The following DNAH3 variants were observed in gnomAD, a reference collection of about 807,000 sequenced individuals.
DNAH3 encodes dynein axonemal heavy chain 3.
In DNAH3, 332 loss-of-function variants were observed where a neutral mutation model predicts 432.5. That is an observed-to-expected ratio of 0.77 (90% CI 0.70 to 0.84). The LOEUF (loss-of-function observed/expected upper bound fraction) is 0.84. Among genes scored for constraint, DNAH3 ranks in the 40% least tolerant of loss-of-function variants. The pLI, the probability that DNAH3 is intolerant of heterozygous loss-of-function variation, is 0.00. For missense variants in DNAH3, 4,861 were observed against 5,114.0 expected (o/e 0.95, Z 1.51); for synonymous variants, 1,956 against 1,900.2 (o/e 1.03, Z -0.76).
chr16:20,948,230 G>A (rs897170350), intron 57 of DNAH3, among the ~76,000 whole-genome samples: 2 of 151,864 alleles, frequency 1.3e-5, no homozygotes, highest in Admixed American at 6.6e-5. Flanking sequence ...CTTAATCATC[G>A]TTCTCTCTCC....
intron 53 of DNAH3, among the ~76,000 whole-genome samples, chr16:20,963,004 T>A (rs2084892771): frequency 6.6e-6 from 1 of 151,512 alleles, no homozygotes; most frequent in Non-Finnish European, 1.5e-5. Context: ...ATTATCAAGA[T>A]ACAAAAGTGG....
intron 43 of DNAH3, among the ~76,000 whole-genome samples, chr16:20,999,457 CT>C (rs2086913313): frequency 6.6e-6 from 1 of 152,158 alleles, no homozygotes; most frequent in Non-Finnish European, 1.5e-5. Flanking sequence ...AATATTTCCT[CT>C]GAATACATGA....
intron 44 of DNAH3, among the ~76,000 whole-genome samples, chr16:20,989,956 C>T (rs2086467762): frequency 2.0e-5 from 3 of 152,238 alleles, no homozygotes. Context: ...GCCAAGCCCA[C>T]GCCCACCCGG....
Position 21,132,633 on chromosome 16 carries a change from C to G in DNAH3, c.1082+1626G>C, listed in dbSNP as rs4783525. ...GACAATATTGTTCATTGAAAGACAC[C>G]AGACACAAAAGATCATATATTGCAT... On this transcript the variant is annotated intron_variant, in intron 7 of 61. Coordinates refer to ENST00000261383, the Ensembl canonical transcript of DNAH3. 2.0e-5 allele frequency among the ~76,000 whole-genome samples: 3 copies of G among 152,130 alleles called. No homozygotes were observed. In the East Asian group the frequency reaches 5.8e-4, roughly 29 times the overall value.
intron 44 of DNAH3, 104 bp from the exon 45 acceptor site, chr16:20,988,169 G>A (rs1160090441): frequency 7.4e-6 from 11 of 1,483,286 alleles, no homozygotes; most frequent in Non-Finnish European, 1.0e-5. Flanking sequence ...CTGCCTTCAT[G>A]TTCCAGAGCT....
chr16:21,054,391 G>A (rs778783232), intron 28 of DNAH3, 29 bp downstream of exon 28: 1 of 1,527,224 alleles, frequency 6.5e-7, no homozygotes, highest in Non-Finnish European at 9.1e-7. Context: ...TGGATAGTCA[G>A]TAATGACAGG....
At chr16:20,962,478 G>C (rs963647317) in intron 53 of DNAH3, among the ~76,000 whole-genome samples, 7 of 152,214 alleles carry the variant, frequency 4.6e-5, no homozygotes, top group Non-Finnish European at 8.8e-5. Context: ...GTGGGAAACT[G>C]TATAAGGGAG....
Position 20,957,848 on chromosome 16 carries a change from A to AAG in DNAH3, c.10826+1329_10826+1330dup, listed in dbSNP as rs1355102094. Among the ~76,000 whole-genome samples, 25 of 133,314 alleles carry AAG rather than the reference A, an allele frequency of 1.9e-4. 1 individual carries two copies. Among genetic ancestry groups the AAG allele is most frequent in the East Asian group, 8.6e-4 (4 of 4,640 alleles). The allele number at this position is 133,314 out of a possible 152,430, so 87.5% of individuals were successfully genotyped here. On this transcript the variant is annotated intron_variant, in intron 54 of 61. Coordinates refer to ENST00000261383, the Ensembl canonical transcript of DNAH3. The stretch of plus-strand genomic sequence containing the variant: ...AAAAAAAAAAAAAAAAAAAAAAAAA[A>AAG]AGAGAATCCCTGAACATTTGAGTTA...
chr16:20,939,708 G>T (rs977956909), intron 59 of DNAH3, among the ~76,000 whole-genome samples: 21 of 151,990 alleles, frequency 1.4e-4, no homozygotes, highest in African/African-American at 4.3e-4. Context: ...AATCAGGGCT[G>T]TCCTTAAAAT....
intron 43 of DNAH3, 62 bp from the exon 44 acceptor site, chr16:20,997,524 G>A: frequency 6.4e-7 from 1 of 1,554,356 alleles, no homozygotes; most frequent in Non-Finnish European, 8.8e-7. Flanking sequence ...CTCTTACAGA[G>A]GTAACAGATG....
intron 39 of DNAH3, among the ~76,000 whole-genome samples, chr16:21,022,896 T>C (rs1378949134): frequency 6.6e-6 from 1 of 152,024 alleles, no homozygotes; most frequent in Non-Finnish European, 1.5e-5. Context: ...TACAGGCACA[T>C]GCCATCATGC....
rs150009363 is a variant in DNAH3 at position 21,081,646 on chromosome 16, A to G, written c.2959T>C (p.Phe987Leu). 2.5e-4 allele frequency: 409 copies of G among 1,613,596 alleles called. No homozygotes were observed. The highest frequency in any genetic ancestry group is 3.2e-4 in the Non-Finnish European group (378 of 1,179,716). Reference sequence around the variant, plus strand: ...GGGATAAGCCCTTACTTTTCAACGAATTTGCCGAATCCAAATTCGAGCATA... The same window carrying G: ...GGGATAAGCCCTTACTTTTCAACGAGTTTGCCGAATCCAAATTCGAGCATA... The change falls in exon 20 of 62, where the codon TTC becomes CTC. Residue 987 changes from phenylalanine to leucine, a missense_variant. Physicochemically the swap from Phe to Leu is conservative, Grantham distance 22. Coordinates refer to ENST00000261383, the Ensembl canonical transcript of DNAH3.
At chr16:21,036,739 G>C (rs2089191159) in exon 35 of DNAH3, 1 of 1,613,908 alleles carries the variant, frequency 6.2e-7, no homozygotes, top group South Asian at 1.1e-5. Context: ...TATAAACCAA[G>C]GTACTGGCTG....
chr16:20,951,589 A>C (rs1266954734), intron 56 of DNAH3, among the ~76,000 whole-genome samples: 4 of 151,780 alleles, frequency 2.6e-5, no homozygotes, highest in African/African-American at 9.7e-5. Flanking sequence ...GACTACAGGC[A>C]TGTGTCACCA....
intron 49 of DNAH3, among the ~76,000 whole-genome samples, chr16:20,980,278 C>CATATATTATAATATACATT: frequency 7.6e-6 from 1 of 131,866 alleles, no homozygotes; most frequent in Non-Finnish European, 1.6e-5. Context: ...TAATATACAT[C>CATATATTATAATATACATT]ATATATTATA....
At chr16:21,127,964 T>C (rs1032377389) in intron 7 of DNAH3, 152 bp from the exon 9 acceptor site, 4 of 972,106 alleles carry the variant, frequency 4.1e-6, no homozygotes, top group Non-Finnish European at 4.5e-6. Context: ...CTGAGGAGGA[T>C]ATGGGAGGCT....
At chr16:20,979,654 T>C (rs3115441) in intron 49 of DNAH3, 108 bp from the exon 50 acceptor site, 139,371 of 972,042 alleles carry the variant, frequency 0.14, 10,777 homozygotes, top group African/African-American at 0.24. Flanking sequence ...ACACTGACTG[T>C]GACACGTTAG....
intron 16 of DNAH3, among the ~76,000 whole-genome samples, chr16:21,099,233 CATGGATGGATGGATGGATGG>C (rs111518786): frequency 4.7e-5 from 7 of 149,694 alleles, no homozygotes; most frequent in Non-Finnish European, 1.0e-4. Flanking sequence ...AGACAATAGA[CATGGATGGATGGATGGATGG>C]ATGGATGGAT....
chr16:20,989,301 T>G (rs1264020570), intron 44 of DNAH3, among the ~76,000 whole-genome samples: 1 of 152,124 alleles, frequency 6.6e-6, no homozygotes, highest in Admixed American at 6.5e-5. Context: ...ACACAAAGGT[T>G]CTCCAAGGCC....
Sources: allele counts gnomAD v4.1 joint callset (sites outside exome capture counted in the v4.1 genomes callset), GRCh38; gene constraint gnomAD v4.1.1; transcripts MANE v1.5; gene names NCBI Gene and HGNC (gene_info 2026-07-23, HGNC 2026-07-21).